The following RBFOX2 variants were observed in gnomAD, a reference collection of about 807,000 sequenced individuals.
RBFOX2 encodes RNA binding protein fox-1 homolog 2.
Under a neutral mutation model 49.1 loss-of-function variants are expected in RBFOX2, and 10 were observed. That is an observed-to-expected ratio of 0.20 (90% CI 0.13 to 0.35). The LOEUF is 0.35. RBFOX2 is among the 10% of genes least tolerant of loss of function. The pLI, the probability that RBFOX2 is intolerant of heterozygous loss-of-function variation, is 1.00. For missense variants in RBFOX2, 323 were observed against 486.9 expected, an observed-to-expected ratio of 0.66 and a Z score of 3.17; for synonymous variants, 183 against 187.4, an observed-to-expected ratio of 0.98 and a Z score of 0.19.
upstream of RBFOX2, among the ~76,000 whole-genome samples, chr22:35,845,170 G>T (rs1203723729): frequency 6.6e-6 from 1 of 152,060 alleles, no homozygotes; most frequent in Non-Finnish European, 1.5e-5. Flanking sequence ...GCTCTTCACG[G>T]CACGCCCCCA....
intron 1 of RBFOX2, among the ~76,000 whole-genome samples, chr22:35,979,456 C>A (rs185459271): frequency 6.6e-6 from 1 of 152,100 alleles, no homozygotes; most frequent in Non-Finnish European, 1.5e-5. Flanking sequence ...GGGGAATACA[C>A]ATTGAAGTGT....
intron 1 of RBFOX2, among the ~76,000 whole-genome samples, chr22:35,911,123 C>A (rs146514178): frequency 5.2e-4 from 79 of 152,254 alleles, no homozygotes; most frequent in African/African-American, 1.8e-3. Context: ...CCTGATATGA[C>A]CTCCCGGGAC....
chr22:35,834,196 G>A (rs1457993679), intron 1 of RBFOX2, among the ~76,000 whole-genome samples: 1 of 152,182 alleles, frequency 6.6e-6, no homozygotes, highest in East Asian at 1.9e-4. Flanking sequence ...ACATCTCTTA[G>A]TAGCTGTCTG....
At chr22:35,858,826 CAA>C (rs771614258) in intron 1 of RBFOX2, among the ~76,000 whole-genome samples, 152 of 53,732 alleles carry the variant, frequency 2.8e-3, no homozygotes, top group African/African-American at 9.5e-3. Context: ...GACTCTGTCT[CAA>C]AAAAAAAAAA....
chr22:35,949,419 A>ATCAC (rs1486937859), intron 1 of RBFOX2, among the ~76,000 whole-genome samples: 1 of 152,198 alleles, frequency 6.6e-6, no homozygotes, highest in Non-Finnish European at 1.5e-5. Context: ...GAACTGCTGG[A>ATCAC]TCACTGGTAA....
At chr22:35,824,605 G>A (rs1955241700) in intron 1 of RBFOX2, among the ~76,000 whole-genome samples, 1 of 152,188 alleles carries the variant, frequency 6.6e-6, no homozygotes, top group Admixed American at 6.5e-5. Flanking sequence ...TAAACAGACT[G>A]TTATTACTGA....
chr22:36,027,757 G>T lies in RBFOX2; in HGVS notation c.186+483C>A, dbSNP rs183096076. On this transcript the variant is annotated intron_variant, in intron 1 of 13. Coordinates refer to the RBFOX2 transcript ENST00000438146. ...AGCCACATCCCCTCGGGGCTCTCTC[G>T]AGGAGTTTTCTTTTCACTCCTCTCA... is the stretch of plus-strand genomic sequence containing the variant. Among the ~76,000 whole-genome samples the T allele has an allele frequency of 6.5e-3, 995 of 152,068 alleles. 8 individuals are homozygous for T. Among genetic ancestry groups the T allele is most frequent in the African/African-American group, 0.023 (960 of 41,468 alleles).
intron 1 of RBFOX2, chr22:35,824,225 C>A (rs1029936910): frequency 6.6e-6 from 1 of 151,848 alleles, no homozygotes; most frequent in Non-Finnish European, 1.5e-5. Flanking sequence ...ACACCCAGCA[C>A]TATATGCTAA....
At chr22:35,914,132 A>C (rs1215197397) in intron 1 of RBFOX2, among the ~76,000 whole-genome samples, 1 of 152,186 alleles carries the variant, frequency 6.6e-6, no homozygotes, top group Non-Finnish European at 1.5e-5. Context: ...AGTGGAATGG[A>C]AGAGTCTGGG....
At chr22:35,939,156 G>A (rs908950103), upstream of RBFOX2, 1 of 640,388 alleles carries the variant, frequency 1.6e-6, no homozygotes, top group Non-Finnish European at 2.9e-6. Context: ...TTCCTTTCCA[G>A]TATATCTTAG....
intron 4 of RBFOX2, among the ~76,000 whole-genome samples, chr22:35,772,935 T>C (rs1374664369): frequency 6.6e-6 from 1 of 151,636 alleles, no homozygotes; most frequent in Admixed American, 6.6e-5. Flanking sequence ...ATTTACCATG[T>C]AACTTTTAAG....
Position 35,769,492 on chromosome 22 carries a change from A to G in RBFOX2, c.454-1143T>C, listed in dbSNP as rs533452734. Reference sequence around the variant, plus strand: ...ATGACTTTCCTAAAACATCATATTCACTTCATTCTAGGTGCTCTGTCCTTA... The same window carrying G: ...ATGACTTTCCTAAAACATCATATTCGCTTCATTCTAGGTGCTCTGTCCTTA... On this transcript the variant is annotated intron_variant, in intron 4 of 11. Coordinates refer to ENST00000405409, the Ensembl canonical transcript of RBFOX2. 4.6e-5 allele frequency among the ~76,000 whole-genome samples: 7 copies of G among 152,248 alleles called. No individual in the cohort carries two copies. In the East Asian group the frequency reaches 9.6e-4, roughly 21 times the overall value.
rs1158936385 is a variant in RBFOX2 at position 35,821,602 on chromosome 22, CAAAAAAAAAAAAAAAAA to C, written c.28-11615_28-11599del. Among the ~76,000 whole-genome samples the C allele has an allele frequency of 5.5e-4, 20 of 36,452 alleles. 1 individual carries two copies. The South Asian group carries it at 0.029, about 52-fold the overall frequency. 23.9% of individuals were successfully genotyped at this position (36,452 alleles called of 152,430 possible). A position where few individuals can be genotyped will look rare whatever the true frequency, so the allele number is the denominator to read the frequency against. On this transcript the variant is annotated intron_variant, in intron 1 of 11. Transcript: ENST00000405409. The stretch of plus-strand genomic sequence containing the variant: ...GGGGGACAGAGTGAGACTCCGTCTC[CAAAAAAAAAAAAAAAAA>C]AAAAAAAAAAAAGCAGTAGTATCCT...
At chr22:35,753,445 T>C (rs1445345452) in intron 9 of RBFOX2, among the ~76,000 whole-genome samples, 1 of 152,228 alleles carries the variant, frequency 6.6e-6, no homozygotes, top group Admixed American at 6.5e-5. Flanking sequence ...ATGGATATTA[T>C]TTCAGCACTA....
chr22:36,025,476 T>G (rs543318611), intron 1 of RBFOX2, among the ~76,000 whole-genome samples: 1 of 152,218 alleles, frequency 6.6e-6, no homozygotes, highest in African/African-American at 2.4e-5. Flanking sequence ...TTCCATTCAA[T>G]ATTAGTTCCA....
intron 1 of RBFOX2, among the ~76,000 whole-genome samples, chr22:35,832,678 CA>C (rs1957013138): frequency 1.3e-5 from 2 of 151,590 alleles, no homozygotes; most frequent in African/African-American, 4.8e-5. Flanking sequence ...ACTAAAATTA[CA>C]AAATTAGCCA....
chr22:35,819,553 T>C (rs886716947), intron 1 of RBFOX2, among the ~76,000 whole-genome samples: 2 of 152,202 alleles, frequency 1.3e-5, no homozygotes, highest in African/African-American at 4.8e-5. Context: ...AGACTGCCAA[T>C]GTTTACAGTC....
At chr22:35,756,169 AAAAC>A (rs1486000962) in intron 9 of RBFOX2, 25 bp from the exon 11 acceptor site, 1 of 1,482,840 alleles carries the variant, frequency 6.7e-7, no homozygotes, top group South Asian at 1.3e-5. Flanking sequence ...CACAAAAACA[AAAAC>A]AAAAAAAACA....
intron 2 of RBFOX2, among the ~76,000 whole-genome samples, chr22:35,805,965 G>A (rs1603217157): frequency 6.6e-6 from 1 of 152,236 alleles, no homozygotes; most frequent in African/African-American, 2.4e-5. Flanking sequence ...GTGGTTGCCA[G>A]GGGTTGGGTT....
Sources: gnomAD v4.1 joint callset for allele counts (sites outside exome capture counted in the v4.1 genomes callset) on GRCh38, gnomAD v4.1.1 for gene constraint, MANE v1.5 for transcripts, NCBI Gene and HGNC (gene_info 2026-07-23, HGNC 2026-07-21) for gene names.